Variants in TOP6BL observed in about 807,000 individuals in gnomAD.
TOP6BL encodes type 2 DNA topoisomerase 6 subunit B-like.
chr11:66,791,079 G>A, the TOP6BL span, among the ~76,000 whole-genome samples: 2 of 152,180 alleles, frequency 1.3e-5, no homozygotes, highest in Non-Finnish European at 2.9e-5. Flanking sequence ...ATAAAAGGGA[G>A]ATTGTAAAAG....
At chr11:66,837,195 T>G in the TOP6BL span, among the ~76,000 whole-genome samples, 3 of 151,762 alleles carry the variant, frequency 2.0e-5, no homozygotes, top group African/African-American at 7.3e-5. Flanking sequence ...GGTGTGATCT[T>G]GGCTCACTGC....
chr11:66,824,840 C>T, the TOP6BL span, among the ~76,000 whole-genome samples: 1 of 151,940 alleles, frequency 6.6e-6, no homozygotes, highest in African/African-American at 2.4e-5. Context: ...TTAATCCAGT[C>T]TATCATTGTT....
the TOP6BL span, chr11:66,828,412 T>A: frequency 7.0e-7 from 1 of 1,427,516 alleles, no homozygotes; most frequent in Non-Finnish European, 9.8e-7. Flanking sequence ...CATTTTGATA[T>A]ATGGGAATCC....
the TOP6BL span, chr11:66,801,120 T>C: frequency 1.2e-6 from 2 of 1,607,694 alleles, no homozygotes; most frequent in South Asian, 2.2e-5. Context: ...CGTAAAGCCT[T>C]GTTGTCCCTC....
At chr11:66,775,884 A>G in the TOP6BL span, among the ~76,000 whole-genome samples, 2 of 151,882 alleles carry the variant, frequency 1.3e-5, no homozygotes, top group Admixed American at 6.6e-5. Context: ...ATTTATTTCT[A>G]TAGTCTTATA....
At chr11:66,831,922 G>A in the TOP6BL span, among the ~76,000 whole-genome samples, 2 of 148,520 alleles carry the variant, frequency 1.3e-5, no homozygotes, top group East Asian at 2.0e-4. Context: ...GCTTGAACCC[G>A]GGCGGCAGAA....
the TOP6BL span, chr11:66,771,738 C>CATCT: frequency 6.3e-6 from 1 of 157,848 alleles, no homozygotes; most frequent in Admixed American, 6.5e-5. Flanking sequence ...AGGAGATGGC[C>CATCT]GAGAAGATGG....
At chr11:66,745,991 A>G in the TOP6BL span, among the ~76,000 whole-genome samples, 1 of 152,052 alleles carries the variant, frequency 6.6e-6, no homozygotes, top group East Asian at 1.9e-4. Context: ...TTGTATTTGT[A>G]GTAGAGACAG....
the TOP6BL span, chr11:66,828,187 G>A: frequency 1.0e-6 from 1 of 953,058 alleles, no homozygotes; most frequent in Non-Finnish European, 1.7e-6. Context: ...TCATCTCCCT[G>A]TATAAACTTT....
chr11:66,841,331 T>A, the TOP6BL span, among the ~76,000 whole-genome samples: 1 of 152,032 alleles, frequency 6.6e-6, no homozygotes, highest in Non-Finnish European at 1.5e-5. Context: ...TTGGCCAAGC[T>A]GGTCTCAATC....
At chr11:66,832,668 TC>T in the TOP6BL span, among the ~76,000 whole-genome samples, 1 of 152,346 alleles carries the variant, frequency 6.6e-6, no homozygotes, top group Non-Finnish European at 1.5e-5. Flanking sequence ...TGTCCACTGT[TC>T]CTTTCAGCTG....
chr11:66,839,468 T>C, the TOP6BL span, among the ~76,000 whole-genome samples: 4 of 152,182 alleles, frequency 2.6e-5, no homozygotes, highest in African/African-American at 9.6e-5. Context: ...GATAAAACAG[T>C]ATCTGGGTCA....
the TOP6BL span, among the ~76,000 whole-genome samples, chr11:66,788,559 G>C: frequency 6.6e-6 from 1 of 152,160 alleles, no homozygotes; most frequent in Non-Finnish European, 1.5e-5. Flanking sequence ...TTAAGCAATA[G>C]AGATTTATTT....
chr11:66,823,644 A>G, the TOP6BL span, among the ~76,000 whole-genome samples: 8 of 151,772 alleles, frequency 5.3e-5, no homozygotes, highest in African/African-American at 1.9e-4. Context: ...ACATGGTGAA[A>G]CCCCGTCTCT....
the TOP6BL span, among the ~76,000 whole-genome samples, chr11:66,841,815 T>A: frequency 6.6e-6 from 1 of 150,620 alleles, no homozygotes; most frequent in Non-Finnish European, 1.5e-5. Context: ...AAGTAAAAAT[T>A]TACATAGGAA....
At chr11:66,748,871 C>CAAA in the TOP6BL span, among the ~76,000 whole-genome samples, 1 of 56,200 alleles carries the variant, frequency 1.8e-5, no homozygotes, top group Admixed American at 1.9e-4. Context: ...TTGGCAGTAG[C>CAAA]AAAAAAAAAA....
the TOP6BL span, chr11:66,843,435 C>T: frequency 2.9e-6 from 4 of 1,388,818 alleles, no homozygotes; most frequent in Non-Finnish European, 3.7e-6. Context: ...GTCACTGGTG[C>T]GCGCCGCGGG....
chr11:66,781,389 TTTCTTTTTGG>T, the TOP6BL span, among the ~76,000 whole-genome samples: 3 of 152,328 alleles, frequency 2.0e-5, no homozygotes, highest in Admixed American at 2.0e-4. Flanking sequence ...AGTTATAGAA[TTTCTTTTTGG>T]TTCTTTTTGT....
At chr11:66,826,676 A>G in the TOP6BL span, among the ~76,000 whole-genome samples, 1 of 147,202 alleles carries the variant, frequency 6.8e-6, no homozygotes, top group South Asian at 2.2e-4. Flanking sequence ...TTTTTTTTTT[A>G]TTTTTTATTT....
Sources: allele counts gnomAD v4.1 joint callset (sites outside exome capture counted in the v4.1 genomes callset), GRCh38; gene constraint gnomAD v4.1.1; transcripts MANE v1.5; gene names NCBI Gene and HGNC (gene_info 2026-07-23, HGNC 2026-07-21).